Variants in ASCC3 observed in about 807,000 individuals in gnomAD.
ASCC3 encodes activating signal cointegrator 1 complex subunit 3.
A neutral mutation model predicts 256.3 loss-of-function variants in ASCC3; 158 were observed. The ratio of observed to expected loss-of-function variants is 0.62; its 90% confidence interval spans 0.54 to 0.70. ASCC3 has a LOEUF of 0.70. Ranked by LOEUF, ASCC3 falls within the 30% of genes least tolerant of loss-of-function variation. The probability of loss-of-function intolerance (pLI) is 0.00; values close to 1 mark genes in which losing one functional copy is unlikely to be tolerated. For synonymous variants in ASCC3, 948 were observed against 883.4 expected, an observed-to-expected ratio of 1.07 and a Z score of -1.30; for missense variants, 2,259 against 2,626.0, an observed-to-expected ratio of 0.86 and a Z score of 3.05.
chr6:100,716,947 C>T (rs1175632011), intron 12 of ASCC3, among the ~76,000 whole-genome samples: 1 of 151,886 alleles, frequency 6.6e-6, no homozygotes, highest in East Asian at 1.9e-4. Context: ...AGAAGGTCTA[C>T]ATCTATCCTA....
chr6:100,726,192 CACTT>C (rs1180397561), intron 10 of ASCC3, among the ~76,000 whole-genome samples: 20 of 151,806 alleles, frequency 1.3e-4, no homozygotes, highest in African/African-American at 4.6e-4. Context: ...ACCCAGAGAT[CACTT>C]ACTAACAATG....
chr6:100,862,682 G>A (rs1399353338), intron 3 of ASCC3, among the ~76,000 whole-genome samples: 2 of 152,140 alleles, frequency 1.3e-5, no homozygotes, highest in African/African-American at 2.4e-5. Flanking sequence ...AAGCACTGGC[G>A]ATGGAGAGTT....
intron 39 of ASCC3, 72 bp downstream of exon 39, chr6:100,516,108 C>G: frequency 6.2e-7 from 1 of 1,600,224 alleles, no homozygotes. Flanking sequence ...AATCCATGCT[C>G]TAAGTTAGAA....
At chr6:100,844,583 C>T (rs555037199) in intron 4 of ASCC3, among the ~76,000 whole-genome samples, 47 of 152,008 alleles carry the variant, frequency 3.1e-4, no homozygotes, top group African/African-American at 9.4e-4. Flanking sequence ...TATTCACTTC[C>T]GGGTGTTAAA....
chr6:100,556,331 G>A (rs975081034), intron 36 of ASCC3, among the ~76,000 whole-genome samples: 3 of 152,146 alleles, frequency 2.0e-5, no homozygotes, highest in Non-Finnish European at 4.4e-5. Flanking sequence ...AGGCACAATT[G>A]CCAAATAAAT....
chr6:100,864,402 C>T (rs1773382180), intron 2 of ASCC3, among the ~76,000 whole-genome samples, 188 bp from the exon 3 acceptor site: 1 of 152,194 alleles, frequency 6.6e-6, no homozygotes, highest in South Asian at 2.1e-4. Context: ...CATAGATTCT[C>T]ATTCGTTGAA....
At chr6:100,771,000 A>G (rs1195833654) in intron 8 of ASCC3, among the ~76,000 whole-genome samples, 1 of 152,116 alleles carries the variant, frequency 6.6e-6, no homozygotes, top group Non-Finnish European at 1.5e-5. Context: ...AAAGAATAAC[A>G]ATGTTAGAGA....
At chr6:100,588,521 T>C (rs952209267) in intron 36 of ASCC3, among the ~76,000 whole-genome samples, 1 of 152,170 alleles carries the variant, frequency 6.6e-6, no homozygotes, top group Non-Finnish European at 1.5e-5. Flanking sequence ...CTATCAGAAA[T>C]AAATTTTTAC....
At chr6:100,527,243 T>C (rs6570783) in intron 37 of ASCC3, among the ~76,000 whole-genome samples, 5,105 of 152,236 alleles carry the variant, frequency 0.034, 113 homozygotes, top group African/African-American at 0.066. Flanking sequence ...AATCTACCCA[T>C]CTTTTTCTCA....
At chr6:100,608,108 G>A (rs1193728437) in intron 30 of ASCC3, among the ~76,000 whole-genome samples, 1 of 115,766 alleles carries the variant, frequency 8.6e-6, no homozygotes, top group African/African-American at 3.4e-5. Context: ...ACATATATAT[G>A]TATATATATC....
rs114507898 is a variant in ASCC3 at position 100,644,004 on chromosome 6, A to C, written c.3732+27T>G. ...ATAATTTTTTTTACAATAGCAAATA[A>C]GGATATATTCACATATATACACTTA... On this transcript the variant is annotated intron_variant, in intron 23 of 41. Transcript: ENST00000369162. 3.0e-3 allele frequency: 4,282 copies of C among 1,448,772 alleles called. 100 individuals are homozygous for C. The African/African-American group carries it at 0.053, about 18-fold the overall frequency. The allele number at this position is 1,448,772 out of a possible 1,614,324, so 89.7% of individuals were successfully genotyped here. A position where few individuals can be genotyped will look rare whatever the true frequency, so the allele number is the denominator to read the frequency against.
Position 100,800,334 on chromosome 6 carries a change from T to C in ASCC3, c.1093A>G (p.Met365Val). 6.2e-7 allele frequency: 1 copy of C among 1,612,934 alleles called. No individual in the cohort carries two copies. The highest frequency in any genetic ancestry group is 8.5e-7 in the Non-Finnish European group (1 of 1,179,256). ...CGCAATTCCTTAGGATCAAAGCACA[T>C]AAGTCCTTCTGAAACTTCTAAATCT... The part of the protein sequence containing the change: ...GEDLEVSEGL[M>V]CFDPKELRIQ... Residue 365 changes from methionine to valine, a missense_variant, in exon 6 of 42, where the codon ATG becomes GTG. Around this residue, in one of 2 missense-constraint regions of ASCC3, gnomAD observed 420 missense variants for 419.3 expected, o/e 1.00. Transcript: ENST00000369162.
intron 36 of ASCC3, among the ~76,000 whole-genome samples, chr6:100,570,747 C>G (rs976568254): frequency 1.3e-5 from 2 of 152,162 alleles, no homozygotes; most frequent in African/African-American, 4.8e-5. Context: ...GACAAACATA[C>G]ACCCTGCTCT....
intron 36 of ASCC3, among the ~76,000 whole-genome samples, chr6:100,583,819 T>C (rs181972567): frequency 7.2e-5 from 11 of 152,338 alleles, no homozygotes; most frequent in Non-Finnish European, 1.3e-4. Flanking sequence ...AGAACATCTT[T>C]ATTTCTGCCT....
chr6:100,759,126 T>C (rs963070091), intron 10 of ASCC3, among the ~76,000 whole-genome samples: 2 of 152,220 alleles, frequency 1.3e-5, no homozygotes, highest in African/African-American at 2.4e-5. Flanking sequence ...TCCTTGTAGA[T>C]TCTGGATATT....
rs553564819 is a variant in ASCC3, at chr6:100,522,753, G to A, written c.5776-4611C>T. ...TCAAACACTCTGTTAACCATTTAAC[G>A]TAAGTTATTGAATTTAAACCATTTT... is the stretch of plus-strand genomic sequence containing the variant. On this transcript the variant is annotated intron_variant, in intron 37 of 41. Transcript: ENST00000369162. 7.9e-5 allele frequency among the ~76,000 whole-genome samples: 12 copies of A among 151,780 alleles called. No individual in the cohort carries two copies. In the South Asian group the frequency reaches 1.9e-3, roughly 24 times the overall value.
chr6:100,569,963 A>G (rs1770501758), intron 36 of ASCC3, among the ~76,000 whole-genome samples: 1 of 152,174 alleles, frequency 6.6e-6, no homozygotes, highest in Non-Finnish European at 1.5e-5. Flanking sequence ...ATCTTTTAAC[A>G]GTATTTTGAA....
chr6:100,810,677 C>A (rs1770418479), intron 4 of ASCC3, among the ~76,000 whole-genome samples: 2 of 152,110 alleles, frequency 1.3e-5, no homozygotes, highest in South Asian at 2.1e-4. Context: ...CTTTTGACAA[C>A]ATAAAAAAGT....
At chr6:100,731,634 T>C (rs965561515) in intron 10 of ASCC3, among the ~76,000 whole-genome samples, 1 of 152,226 alleles carries the variant, frequency 6.6e-6, no homozygotes, top group African/African-American at 2.4e-5. Context: ...CAACTTGTCC[T>C]GTGGTGAGAC....
Sources: gnomAD v4.1 joint callset for allele counts (sites outside exome capture counted in the v4.1 genomes callset) on GRCh38, gnomAD v4.1.1 for gene constraint, gnomAD v4.1.1 regional missense constraint, MANE v1.5 for transcripts, NCBI Gene and HGNC (gene_info 2026-07-23, HGNC 2026-07-21) for gene names.